Variants in ADAMTS12 observed in about 807,000 individuals in gnomAD.
The protein encoded by ADAMTS12 is A disintegrin and metalloproteinase with thrombospondin motifs 12.
ADAMTS12 carries 118 observed loss-of-function variants against 167.8 expected under a neutral mutation model. The observed-to-expected ratio is 0.70, with a 90% CI of 0.61 to 0.82. ADAMTS12 has a LOEUF of 0.82. Ranked by LOEUF, ADAMTS12 falls within the 40% of genes least tolerant of loss-of-function variation. The pLI is 0.00. For missense variants in ADAMTS12, 1,916 were observed against 1,998.8 expected (o/e 0.96, Z 0.79); for synonymous variants, 704 against 716.9 (o/e 0.98, Z 0.29).
At chr5:33,662,416 T>A (rs1741290664) in intron 5 of ADAMTS12, among the ~76,000 whole-genome samples, 1 of 152,254 alleles carries the variant, frequency 6.6e-6, no homozygotes, top group Admixed American at 6.5e-5. Context: ...TTATTTCTAA[T>A]GCAAAATAAG....
intron 2 of ADAMTS12, among the ~76,000 whole-genome samples, chr5:33,831,616 T>G (rs182042115): frequency 2.6e-5 from 4 of 152,338 alleles, no homozygotes; most frequent in Middle Eastern, 6.8e-3. Flanking sequence ...TCTAGATGAT[T>G]CATTACTCCC....
chr5:33,609,274 C>T (rs1738599592), intron 16 of ADAMTS12, among the ~76,000 whole-genome samples: 1 of 151,818 alleles, frequency 6.6e-6, no homozygotes, highest in Admixed American at 6.6e-5. Context: ...AGGATCATAT[C>T]TACATATAGG....
chr5:33,711,997 C>T (rs188009928), intron 3 of ADAMTS12, among the ~76,000 whole-genome samples: 6 of 152,198 alleles, frequency 3.9e-5, no homozygotes, highest in Non-Finnish European at 8.8e-5. Context: ...GGCACAGTTC[C>T]AAAGCCAAAT....
chr5:33,718,783 G>A (rs1347162058), intron 3 of ADAMTS12, among the ~76,000 whole-genome samples: 1 of 152,174 alleles, frequency 6.6e-6, no homozygotes, highest in Admixed American at 6.5e-5. Flanking sequence ...AAATGATAAG[G>A]AAAGAGCCAT....
At position 33,544,865 on chromosome 5, in the gene ADAMTS12, G is replaced by C. The variant is rs1388151302; in HGVS notation, c.4446+1194C>G. Among the ~76,000 whole-genome samples, 4 of 152,034 alleles carry C rather than the reference G, an allele frequency of 2.6e-5. No homozygotes were observed. The South Asian group carries it at 8.3e-4, about 32-fold the overall frequency. ...ACACCTTATATAAAAATTAATTCAA[G>C]ATGGTAAAGACTTAAATGTTAGACC... is the stretch of plus-strand genomic sequence containing the variant. On this transcript the variant is annotated intron_variant, in intron 22 of 23. Coordinates refer to ENST00000504830, the MANE Select transcript of ADAMTS12 (RefSeq NM_030955.4).
At chr5:33,627,645 A>G (rs1029932146) in intron 13 of ADAMTS12, among the ~76,000 whole-genome samples, 77 of 152,272 alleles carry the variant, frequency 5.1e-4, no homozygotes, top group African/African-American at 1.8e-3. Context: ...AAGAAGTGCT[A>G]TAGAAGAACA....
intron 3 of ADAMTS12, among the ~76,000 whole-genome samples, chr5:33,707,405 T>C (rs1743240951): frequency 1.3e-5 from 2 of 152,100 alleles, no homozygotes; most frequent in Admixed American, 1.3e-4. Context: ...TTAATGTTAT[T>C]GCCATCAAGC....
At chr5:33,793,409 T>A (rs931619369) in intron 2 of ADAMTS12, among the ~76,000 whole-genome samples, 1 of 152,250 alleles carries the variant, frequency 6.6e-6, no homozygotes, top group African/African-American at 2.4e-5. Flanking sequence ...TTAAGAATAA[T>A]CTTCTGAATT....
chr5:33,590,689 G>A (rs1231776329), intron 17 of ADAMTS12, among the ~76,000 whole-genome samples: 2 of 152,086 alleles, frequency 1.3e-5, no homozygotes, highest in Admixed American at 1.3e-4. Context: ...TTGTCACCCA[G>A]GCTAGTCTCG....
At chr5:33,584,390 G>A (rs1481670616) in intron 18 of ADAMTS12, among the ~76,000 whole-genome samples, 1 of 151,294 alleles carries the variant, frequency 6.6e-6, no homozygotes, top group East Asian at 1.9e-4. Flanking sequence ...CAAATGTTGT[G>A]CAGGCCCTTG....
chr5:33,598,442 G>A (rs1181425852), intron 16 of ADAMTS12, among the ~76,000 whole-genome samples: 1 of 152,194 alleles, frequency 6.6e-6, no homozygotes, highest in Non-Finnish European at 1.5e-5. Flanking sequence ...AGCGTCCTGA[G>A]TTCTAGTCCC....
intron 2 of ADAMTS12, among the ~76,000 whole-genome samples, chr5:33,778,453 G>GAA (rs1745995630): frequency 6.6e-6 from 1 of 151,186 alleles, no homozygotes; most frequent in South Asian, 2.1e-4. Context: ...ATGGTGTTGG[G>GAA]AAGACTGGAT....
At chr5:33,705,064 C>A (rs140649530) in intron 3 of ADAMTS12, among the ~76,000 whole-genome samples, 184 of 151,832 alleles carry the variant, frequency 1.2e-3, no homozygotes, top group African/African-American at 4.4e-3. Flanking sequence ...TGTCTACCAG[C>A]CTTCCTCCGA....
At chr5:33,592,443 A>G (rs370009429) in intron 17 of ADAMTS12, among the ~76,000 whole-genome samples, 1 of 152,210 alleles carries the variant, frequency 6.6e-6, no homozygotes, top group Non-Finnish European at 1.5e-5. Context: ...TATGCTAGGC[A>G]CTATCACAGC....
chr5:33,881,587 G>T, intron 1 of ADAMTS12, 107 bp from the exon 2 acceptor site: 1 of 1,449,632 alleles, frequency 6.9e-7, no homozygotes, highest in Non-Finnish European at 9.2e-7. Flanking sequence ...TGGAAATGGA[G>T]TTTTGCTCTT....
chr5:33,866,971 G>T (rs1270919788), intron 2 of ADAMTS12, among the ~76,000 whole-genome samples: 1 of 152,010 alleles, frequency 6.6e-6, no homozygotes, highest in Non-Finnish European at 1.5e-5. Context: ...TAGGTGTGGT[G>T]AAAGATGTGG....
At chr5:33,848,818 A>G (rs1966495) in intron 2 of ADAMTS12, among the ~76,000 whole-genome samples, 74,327 of 151,866 alleles carry the variant, frequency 0.49, 20,581 homozygotes, top group African/African-American at 0.74. Context: ...AAGAGAAAAT[A>G]TGAATCTAGA....
chr5:33,811,976 G>A (rs2112488593), intron 2 of ADAMTS12, among the ~76,000 whole-genome samples: 1 of 152,262 alleles, frequency 6.6e-6, no homozygotes, highest in African/African-American at 2.4e-5. Context: ...AAACGATAGG[G>A]AAGCCACTAA....
At chr5:33,825,103 T>C (rs956560514) in intron 2 of ADAMTS12, among the ~76,000 whole-genome samples, 2 of 152,138 alleles carry the variant, frequency 1.3e-5, no homozygotes, top group African/African-American at 2.4e-5. Flanking sequence ...AGCAAGCACA[T>C]CCTAATAGAG....
Sources: allele counts gnomAD v4.1 joint callset (sites outside exome capture counted in the v4.1 genomes callset), GRCh38; gene constraint gnomAD v4.1.1; transcripts MANE v1.5; gene names NCBI Gene and HGNC (gene_info 2026-07-23, HGNC 2026-07-21).